The following TMED2 variants were observed in gnomAD, a reference collection of about 807,000 sequenced individuals.
TMED2 encodes transmembrane emp24 domain-containing protein 2.
In TMED2, 3 loss-of-function variants were observed where a neutral mutation model predicts 17.5. That is an observed-to-expected ratio of 0.17 (90% CI 0.08 to 0.44). The LOEUF is 0.44. Among genes scored for constraint, TMED2 ranks in the 20% least tolerant of loss-of-function variants. The pLI, the probability that TMED2 is intolerant of heterozygous loss-of-function variation, is 0.99. For synonymous variants in TMED2, 95 were observed against 91.0 expected (o/e 1.04, Z -0.25); for missense variants, 149 against 254.8 (o/e 0.58, Z 2.83).
Position 123,586,810 on chromosome 12 carries a change from T to C in TMED2, c.244T>C (p.Phe82Leu). 1.2e-6 allele frequency: 2 copies of C among 1,613,228 alleles called. No individual in the cohort carries two copies. The highest frequency in any genetic ancestry group is 1.7e-6 in the Non-Finnish European group (2 of 1,179,692). Reference sequence around the variant, plus strand: ...CAGAGAATCCAGTGGGAAATACACATTTGCTGCTCACATGGATGGAACATA... The same window carrying C: ...CAGAGAATCCAGTGGGAAATACACACTTGCTGCTCACATGGATGGAACATA... ...GDRESSGKYTFAAHMDGTYKF... is the reference protein window; with the variant it reads ...GDRESSGKYTLAAHMDGTYKF... The change falls in exon 2 of 4, where the codon TTT becomes CTT. Residue 82 changes from phenylalanine to leucine, a missense_variant. Physicochemically the swap from Phe to Leu is conservative, Grantham distance 22 (BLOSUM62 0). Transcript: ENST00000262225.
chr12:123,587,216 G>A (rs943806279), intron 2 of TMED2, among the ~76,000 whole-genome samples: 6 of 151,972 alleles, frequency 3.9e-5, no homozygotes, highest in Admixed American at 2.0e-4. Context: ...GCGTGATCTT[G>A]GCTTACTGCA....
chr12:123,591,926 G>A (rs1287931515), intron 3 of TMED2, among the ~76,000 whole-genome samples: 1 of 152,220 alleles, frequency 6.6e-6, no homozygotes, highest in Non-Finnish European at 1.5e-5. Flanking sequence ...TCTGAGACTG[G>A]AGTAGGAAGT....
At chr12:123,593,314 G>A (rs146908377) in intron 3 of TMED2, among the ~76,000 whole-genome samples, 1,693 of 152,018 alleles carry the variant, frequency 0.011, 15 homozygotes, top group South Asian at 0.031. Flanking sequence ...GTGCAGTGGT[G>A]CTATCTCAGC....
intron 2 of TMED2, chr12:123,587,725 G>C (rs1246677023): frequency 9.0e-7 from 1 of 1,109,282 alleles, no homozygotes; most frequent in African/African-American, 1.7e-5. Flanking sequence ...CAGTTTGTTG[G>C]CATGAGAGTG....
intron 2 of TMED2, among the ~76,000 whole-genome samples, chr12:123,588,957 C>T (rs1360774329): frequency 6.6e-6 from 1 of 152,174 alleles, no homozygotes; most frequent in Non-Finnish European, 1.5e-5. Flanking sequence ...CCCTTGGTTT[C>T]TCCTAAGAAA....
rs557841591 is a variant in TMED2 at position 123,590,372 on chromosome 12, A to G, written c.404A>G (p.Asn135Ser). 6.8e-6 allele frequency: 11 copies of G among 1,609,040 alleles called. No individual in the cohort carries two copies. The African/African-American group carries it at 9.3e-5, about 14-fold the overall frequency. ...CAGAACAAGCTAGAAGAAATGATCA[A>G]TGAGCTAGCAGTGGCGATGACAGCT... is the stretch of plus-strand genomic sequence containing the variant. ...AHQNKLEEMI[N>S]ELAVAMTAVK... The change falls in exon 3 of 4, where the codon AAT (asparagine) becomes AGT (serine). Residue 135 changes from asparagine (N) to serine (S), a missense_variant. Asn to Ser is a conservative substitution (Grantham distance 46, BLOSUM62 1). Transcript: ENST00000262225.
intron 1 of TMED2, chr12:123,586,010 T>C (rs1886338504): frequency 6.6e-6 from 1 of 152,242 alleles, no homozygotes; most frequent in African/African-American, 2.4e-5. Context: ...GCTGGGTGGT[T>C]CTGGCTTGGA....
chr12:123,590,445 A>G lies in TMED2; in HGVS notation c.477A>G (p.Arg159=). Residue 159 remains arginine (R), a synonymous_variant, in exon 3 of 4, where the codon AGA becomes AGG. Coordinates refer to ENST00000262225, the MANE Select transcript of TMED2 (RefSeq NM_006815.4). ...TGGAAGTCCGGGAGAGAATACACAG[A>G]GCCAGTAAGTGAATGCCGTCACTTT... ...EYMEVRERIH[R]AINDNTNSRV... The G allele has an allele frequency of 6.2e-7, 1 of 1,601,222 alleles. No homozygotes were observed. The highest frequency in any genetic ancestry group is 1.1e-5 in the South Asian group (1 of 89,922).
chr12:123,590,554 G>A, intron 3 of TMED2, 105 bp downstream of exon 3: 2 of 841,390 alleles, frequency 2.4e-6, no homozygotes, highest in Non-Finnish European at 3.6e-6. Context: ...AATTTTATGT[G>A]AAAGCATTGA....
intron 2 of TMED2, 70 bp from the exon 3 acceptor site, chr12:123,590,272 G>A (rs1164197363): frequency 1.2e-5 from 15 of 1,243,750 alleles, no homozygotes; most frequent in East Asian, 3.4e-5. Context: ...GCAACAGAGC[G>A]AGACTCTGTC....
intron 2 of TMED2, among the ~76,000 whole-genome samples, chr12:123,589,548 T>G (rs1007432505): frequency 1.3e-5 from 2 of 152,148 alleles, no homozygotes; most frequent in African/African-American, 4.8e-5. Flanking sequence ...TTCCTGGGGT[T>G]GTTTTCCTTT....
chr12:123,594,903 A>AAAT (rs1210428137), intron 3 of TMED2, among the ~76,000 whole-genome samples: 13 of 148,774 alleles, frequency 8.7e-5, no homozygotes, highest in South Asian at 4.2e-4. Context: ...ATAAAAAATA[A>AAAT]AATAATAATA....
At chr12:123,592,400 A>C (rs1953398631) in intron 3 of TMED2, among the ~76,000 whole-genome samples, 1 of 151,928 alleles carries the variant, frequency 6.6e-6, no homozygotes, top group Admixed American at 6.6e-5. Context: ...ATGGCTTTCA[A>C]GTTATAGAAG....
Position 123,596,617 on chromosome 12 carries a change from C to A in TMED2, c.494C>A (p.Thr165Lys). Residue 165 changes from threonine to lysine, a missense_variant, in exon 4 of 4, where the codon ACA becomes AAA. Thr to Lys is a moderately conservative substitution (Grantham distance 78). Transcript: ENST00000262225. The stretch of plus-strand genomic sequence containing the variant: ...TTGTCCTCAACAGTCAACGACAACA[C>A]AAACAGCAGAGTGGTCCTTTGGTCC... ...ERIHRAINDN[T>K]NSRVVLWSFF... 1 of 1,606,158 alleles carries A rather than the reference C, an allele frequency of 6.2e-7. No individual in the cohort carries two copies. Among genetic ancestry groups the A allele is most frequent in the East Asian group, 2.2e-5 (1 of 44,584 alleles).
intron 3 of TMED2, among the ~76,000 whole-genome samples, chr12:123,591,732 A>G (rs1177488363): frequency 6.6e-6 from 1 of 151,896 alleles, no homozygotes; most frequent in Non-Finnish European, 1.5e-5. Context: ...CAGTGAGCTG[A>G]TATCATGCCA....
At position 123,598,335 on chromosome 12, in the gene TMED2, T is replaced by G. The variant is rs1207252856; in HGVS notation, c.*1606T>G. 1 of 152,222 alleles carries G rather than the reference T, an allele frequency of 6.6e-6. No homozygotes were observed. Among genetic ancestry groups the G allele is most frequent in the Non-Finnish European group, 1.5e-5 (1 of 68,040 alleles). The allele number at this position is 152,222 out of a possible 1,614,324, so 9.4% of individuals were successfully genotyped here. ...TTCTGCGTAGGTTTTCCAGTGTGGC[T>G]TCTCTGATGGATCAGTGCTAAAATC... is the stretch of plus-strand genomic sequence containing the variant. On this transcript the variant is annotated 3_prime_UTR_variant, in exon 4 of 4. Transcript: ENST00000262225.
At chr12:123,587,990 T>C (rs1953364642) in intron 2 of TMED2, among the ~76,000 whole-genome samples, 1 of 152,220 alleles carries the variant, frequency 6.6e-6, no homozygotes, top group Non-Finnish European at 1.5e-5. Context: ...GAAAGTCATT[T>C]TGTAGACTTC....
chr12:123,586,922 A>G lies in TMED2; in HGVS notation c.356A>G (p.Gln119Arg), dbSNP rs780241408. The G allele has an allele frequency of 6.2e-7, 1 of 1,601,096 alleles. No homozygotes were observed. Among genetic ancestry groups the G allele is most frequent in the Non-Finnish European group, 8.5e-7 (1 of 1,172,906 alleles). ...GATATTGGGGAGGCTCCAAAAGGAC[A>G]AGATATGGAAACAGAAGGTGAGATG... ...TIDIGEAPKG[Q>R]DMETEAHQNK... Residue 119 changes from glutamine (Q) to arginine (R), a missense_variant, in exon 2 of 4, where the codon CAA becomes CGA. Gln to Arg is a conservative substitution (Grantham distance 43). Coordinates refer to ENST00000262225, the MANE Select transcript of TMED2 (RefSeq NM_006815.4).
rs1016404275 is a variant in TMED2, at chr12:123,597,928, G to C, written c.*1199G>C. On this transcript the variant is annotated 3_prime_UTR_variant, in exon 4 of 4. Transcript: ENST00000262225. The stretch of plus-strand genomic sequence containing the variant: ...TATAATTAATTTAAATTTGTTACAG[G>C]TTTTCATGTTCAGGATAAACCATAC... The C allele has an allele frequency of 2.6e-5, 4 of 151,946 alleles. No homozygotes were observed. Among genetic ancestry groups the C allele is most frequent in the African/African-American group, 9.7e-5 (4 of 41,146 alleles). The allele number at this position is 151,946 out of a possible 1,614,324, so 9.4% of individuals were successfully genotyped here.
Sources: allele counts gnomAD v4.1 joint callset (sites outside exome capture counted in the v4.1 genomes callset), GRCh38; gene constraint gnomAD v4.1.1; transcripts MANE v1.5; gene names NCBI Gene and HGNC (gene_info 2026-07-23, HGNC 2026-07-21).